IL1RAP: variants seen among roughly 807,000 people sequenced by gnomAD.
IL1RAP encodes interleukin 1 receptor accessory protein, also known as interleukin-1 receptor accessory protein.
IL1RAP carries 35 observed loss-of-function variants against 60.7 expected under a neutral mutation model. The observed-to-expected ratio is 0.58, with a 90% CI of 0.44 to 0.76. IL1RAP has a LOEUF of 0.76. IL1RAP is among the 30% of genes least tolerant of loss of function. The probability of loss-of-function intolerance (pLI) is 0.00; values close to 1 mark genes in which losing one functional copy is unlikely to be tolerated. For synonymous variants in IL1RAP, 268 were observed against 250.9 expected (o/e 1.07, Z -0.64); for missense variants, 572 against 693.9 (o/e 0.82, Z 1.97).
rs147076705 is a variant in IL1RAP at position 190,609,172 on chromosome 3, T to C, written c.528T>C (p.Thr176=). 1.7e-5 allele frequency: 27 copies of C among 1,608,296 alleles called. No individual in the cohort carries two copies. In the Admixed American group the frequency reaches 1.9e-4, roughly 11 times the overall value. ...CTTCCAGTGTCAAACCGACTATCAC[T>C]TGGTATATGGTAAGGAAAATTAGAC... is the stretch of plus-strand genomic sequence containing the variant. ...YFPSSVKPTI[T]WYMGCYKIQN... is the part of the protein sequence containing the mutation. Residue 176 remains threonine, a synonymous_variant, in exon 5 of 12, where the codon ACT becomes ACC. Transcript: ENST00000447382.
In IL1RAP at chr3:190,593,088, G is replaced by T. The variant is rs963697635; in HGVS notation, c.65-11040G>T. Among the ~76,000 whole-genome samples the T allele has an allele frequency of 2.9e-3, 428 of 146,960 alleles. 1 individual carries two copies. Among genetic ancestry groups the T allele is most frequent in the African/African-American group, 9.8e-3 (393 of 40,044 alleles). ...CCCTCACCAAACCCTTTTTTTTTTT[G>T]AATTTGGCATTCTTTCCTAATCTGA... On this transcript the variant is annotated intron_variant, in intron 3 of 11. Coordinates refer to ENST00000447382, the MANE Select transcript of IL1RAP (RefSeq NM_002182.4).
At chr3:190,530,050 A>C (rs1722862726) in intron 1 of IL1RAP, among the ~76,000 whole-genome samples, 1 of 152,130 alleles carries the variant, frequency 6.6e-6, no homozygotes, top group Admixed American at 6.5e-5. Flanking sequence ...GAATTCTAGG[A>C]AACATCATTC....
chr3:190,652,306 C>CA (rs1560249095), downstream of IL1RAP, among the ~76,000 whole-genome samples: 1 of 151,828 alleles, frequency 6.6e-6, no homozygotes, highest in Non-Finnish European at 1.5e-5. Context: ...TATTAAAATA[C>CA]AAAAAATTAG....
At chr3:190,609,691 T>C (rs149517330) in intron 5 of IL1RAP, among the ~76,000 whole-genome samples, 2 of 152,306 alleles carry the variant, frequency 1.3e-5, no homozygotes, top group East Asian at 3.9e-4. Flanking sequence ...AGCAGCAGCA[T>C]AGCTTTTGTA....
At chr3:190,522,341 CCTCCCTCCCTCCCTTCGTTCCT>C (rs1009341727) in intron 1 of IL1RAP, among the ~76,000 whole-genome samples, 3 of 145,824 alleles carry the variant, frequency 2.1e-5, no homozygotes, top group African/African-American at 8.1e-5. Context: ...TTCCTTCCTT[CCTCCCTCCCTCCCTTCGTTCCT>C]CTTCCTTCCT....
chr3:190,617,280 A>G (rs1214607548), intron 5 of IL1RAP, among the ~76,000 whole-genome samples: 2 of 152,118 alleles, frequency 1.3e-5, no homozygotes. Context: ...TTCTTTACAC[A>G]TTGTTGGTTT....
chr3:190,625,232 C>T (rs1732147174), intron 7 of IL1RAP: 1 of 152,176 alleles, frequency 6.6e-6, no homozygotes, highest in Non-Finnish European at 1.5e-5. Flanking sequence ...TTTAGTTCCT[C>T]TTGCCAATAA....
intron 2 of IL1RAP, among the ~76,000 whole-genome samples, chr3:190,561,930 A>T (rs2108620558): frequency 6.6e-6 from 1 of 152,282 alleles, no homozygotes; most frequent in South Asian, 2.1e-4. Context: ...TGCTCTATAA[A>T]GTACAATTTG....
intron 5 of IL1RAP, chr3:190,615,149 G>T (rs1731158931): frequency 6.5e-6 from 1 of 154,902 alleles, no homozygotes; most frequent in African/African-American, 2.4e-5. Context: ...TAACTCCTGT[G>T]AGTTAAACTG....
intron 1 of IL1RAP, among the ~76,000 whole-genome samples, chr3:190,535,499 C>T (rs963782823): frequency 3.3e-5 from 5 of 151,982 alleles, no homozygotes; most frequent in Admixed American, 2.6e-4. Context: ...TTTTTTCTCT[C>T]GGGTTTTAGA....
chr3:190,621,236 G>A (rs772222022), intron 6 of IL1RAP, among the ~76,000 whole-genome samples: 10 of 152,228 alleles, frequency 6.6e-5, no homozygotes, highest in Non-Finnish European at 1.2e-4. Flanking sequence ...CACTCAGTGA[G>A]TTACTTGAAG....
intron 1 of IL1RAP, among the ~76,000 whole-genome samples, chr3:190,524,989 CATAT>C (rs35063682): frequency 2.0e-5 from 3 of 151,530 alleles, no homozygotes; most frequent in African/African-American, 7.3e-5. Flanking sequence ...TGTCTATGTA[CATAT>C]ATATATGTGT....
chr3:190,585,002 C>T (rs3773969), intron 3 of IL1RAP, among the ~76,000 whole-genome samples: 95,005 of 151,836 alleles, frequency 0.63, 29,956 homozygotes, highest in Middle Eastern at 0.72. Flanking sequence ...TTATAACCCA[C>T]GAAATAATGT....
At position 190,650,707 on chromosome 3, in the gene IL1RAP, C is replaced by CT. The variant is rs1229879163; in HGVS notation, c.*2010dup. The CT allele has an allele frequency of 4.3e-5, 42 of 975,256 alleles. No individual in the cohort carries two copies. The highest frequency in any genetic ancestry group is 6.2e-5 in the Admixed American group (1 of 16,198). The allele number at this position is 975,256 out of a possible 1,614,324, so 60.4% of individuals were successfully genotyped here. Reference sequence around the variant, plus strand: ...GAAAAGTAGGTCATTCTTGGATCTACTTTTTTTTAGCCTTATTAATATTTT... The same window carrying CT: ...GAAAAGTAGGTCATTCTTGGATCTACTTTTTTTTTAGCCTTATTAATATTTT... On this transcript the variant is annotated 3_prime_UTR_variant, in exon 12 of 12. Coordinates refer to ENST00000447382, the MANE Select transcript of IL1RAP (RefSeq NM_002182.4).
At chr3:190,560,376 A>G (rs938801112) in intron 2 of IL1RAP, among the ~76,000 whole-genome samples, 1 of 152,234 alleles carries the variant, frequency 6.6e-6, no homozygotes, top group Non-Finnish European at 1.5e-5. Flanking sequence ...TGGGCAGGTC[A>G]TAGAAAAGGG....
exon 12 of IL1RAP, chr3:190,656,532 T>C (rs1429216287): frequency 1.3e-6 from 2 of 1,537,210 alleles, no homozygotes; most frequent in Non-Finnish European, 1.7e-6. Context: ...TGGAACCCCC[T>C]GCTCCCCAGA....
intron 1 of IL1RAP, among the ~76,000 whole-genome samples, chr3:190,543,328 T>A (rs1441585973): frequency 6.6e-6 from 1 of 152,122 alleles, no homozygotes; most frequent in Non-Finnish European, 1.5e-5. Context: ...ATCACTCTGT[T>A]TAGAAGAATG....
At position 190,609,048 on chromosome 3, in the gene IL1RAP, A is replaced by G. The variant is rs768226877; in HGVS notation, c.404A>G (p.Asp135Gly). Residue 135 changes from aspartate to glycine, a missense_variant, in exon 5 of 12, where the codon GAC becomes GGC. Coordinates refer to ENST00000447382, the MANE Select transcript of IL1RAP (RefSeq NM_002182.4). ...TTTCCCTTGGAAGTTGTTCAAAAAG[A>G]CAGCTGTTTCAATTCCCCCATGAAA... ...VAFPLEVVQK[D>G]SCFNSPMKLP... 2.5e-6 allele frequency: 4 copies of G among 1,613,382 alleles called. No individual in the cohort carries two copies. The East Asian group carries it at 8.9e-5, about 36-fold the overall frequency.
downstream of IL1RAP, chr3:190,655,755 TA>T: frequency 3.2e-6 from 2 of 617,610 alleles, no homozygotes; most frequent in Non-Finnish European, 5.3e-6. Flanking sequence ...TTTGACTGGG[TA>T]AATTATTCAG....
Sources: allele counts gnomAD v4.1 joint callset (sites outside exome capture counted in the v4.1 genomes callset), GRCh38; gene constraint gnomAD v4.1.1; transcripts MANE v1.5; gene names NCBI Gene and HGNC (gene_info 2026-07-23, HGNC 2026-07-21).